Variants in BARX2 observed in about 807,000 individuals in gnomAD.
The protein encoded by BARX2 is homeobox protein BarH-like 2.
Under a neutral mutation model 25.5 loss-of-function variants are expected in BARX2, and 11 were observed. The ratio of observed to expected loss-of-function variants is 0.43; its 90% CI spans 0.27 to 0.71. The LOEUF (loss-of-function observed/expected upper bound fraction) is 0.71. Ranked by LOEUF, BARX2 falls within the 30% of genes least tolerant of loss-of-function variation. The pLI is 0.19. For missense variants in BARX2, 360 were observed against 359.9 expected, an observed-to-expected ratio of 1.00 and a Z score of 0.00; for synonymous variants, 137 against 149.5, an observed-to-expected ratio of 0.92 and a Z score of 0.61.
chr11:129,430,006 C>T (rs1862111583), intron 1 of BARX2, among the ~76,000 whole-genome samples: 3 of 152,262 alleles, frequency 2.0e-5, no homozygotes, highest in African/African-American at 7.2e-5. Flanking sequence ...TCTTCCCCCA[C>T]CATTCCCTGC....
chr11:129,414,223 AT>A (rs146268403), intron 1 of BARX2, among the ~76,000 whole-genome samples: 2,939 of 151,954 alleles, frequency 0.019, 53 homozygotes, highest in South Asian at 0.029. Context: ...GCAAATTGTG[AT>A]TTTTTTCTGA....
intron 1 of BARX2, among the ~76,000 whole-genome samples, chr11:129,401,050 TGTTAGGA>T (rs1485142814): frequency 1.1e-4 from 17 of 152,164 alleles, no homozygotes; most frequent in African/African-American, 3.6e-4. Flanking sequence ...TCTGGGAACT[TGTTAGGA>T]GTGCAAGATC....
chr11:129,406,738 T>C (rs1316927211), intron 1 of BARX2, among the ~76,000 whole-genome samples: 2 of 152,206 alleles, frequency 1.3e-5, no homozygotes, highest in Non-Finnish European at 2.9e-5. Context: ...CAGTTGAGCC[T>C]GCATGTCATG....
chr11:129,427,045 A>G (rs915192309), intron 1 of BARX2, among the ~76,000 whole-genome samples: 5 of 152,192 alleles, frequency 3.3e-5, no homozygotes, highest in African/African-American at 1.2e-4. Context: ...GAAGATACGT[A>G]TGCATGCTTC....
chr11:129,429,934 A>G (rs1434822055), intron 1 of BARX2, among the ~76,000 whole-genome samples: 1 of 152,152 alleles, frequency 6.6e-6, no homozygotes, highest in Admixed American at 6.6e-5. Flanking sequence ...CAAGGTGCAA[A>G]CTCACGGCAG....
intron 1 of BARX2, among the ~76,000 whole-genome samples, chr11:129,424,056 G>A (rs1862038178): frequency 6.6e-6 from 1 of 152,068 alleles, no homozygotes; most frequent in Non-Finnish European, 1.5e-5. Flanking sequence ...CACTATATTG[G>A]TGAGGCTGGC....
chr11:129,435,400 C>A (rs1030729454), intron 1 of BARX2, among the ~76,000 whole-genome samples: 2 of 152,180 alleles, frequency 1.3e-5, no homozygotes, highest in African/African-American at 4.8e-5. Flanking sequence ...GGGGGCCAAA[C>A]AAAGGCATGG....
intron 1 of BARX2, among the ~76,000 whole-genome samples, chr11:129,410,903 C>G (rs1027120544): frequency 1.3e-5 from 2 of 152,196 alleles, no homozygotes; most frequent in Non-Finnish European, 2.9e-5. Context: ...CTATTGAGAT[C>G]ATGTTCTCCT....
At position 129,440,181 on chromosome 11, in the gene BARX2, G is replaced by A. The variant is rs117027118; in HGVS notation, c.489-2654G>A. Among the ~76,000 whole-genome samples, 37 of 152,334 alleles carry A rather than the reference G, an allele frequency of 2.4e-4. No homozygotes were observed. In the East Asian group the frequency reaches 3.5e-3, roughly 14 times the overall value. ...GTTTCCTAGGTGACCCCATTTAAGC[G>A]AATATGCAGGGAAGTGAGAATTTGT... On this transcript the variant is annotated intron_variant, in intron 2 of 3. Transcript: ENST00000281437.
At chr11:129,427,984 C>A (rs1862085544) in intron 1 of BARX2, among the ~76,000 whole-genome samples, 1 of 152,176 alleles carries the variant, frequency 6.6e-6, no homozygotes, top group Non-Finnish European at 1.5e-5. Flanking sequence ...CTCAGGTTTT[C>A]CAGAATCCAA....
chr11:129,403,328 T>A (rs1163364722), intron 1 of BARX2, among the ~76,000 whole-genome samples: 1 of 152,238 alleles, frequency 6.6e-6, no homozygotes, highest in Non-Finnish European at 1.5e-5. Context: ...GAGATGGCCT[T>A]GCACTGGCTC....
intron 1 of BARX2, among the ~76,000 whole-genome samples, chr11:129,386,521 T>C (rs972374097): frequency 3.9e-5 from 6 of 152,222 alleles, no homozygotes; most frequent in African/African-American, 1.4e-4. Flanking sequence ...GTTCAATATA[T>C]GGTATTGGGG....
rs1184864059 is a variant in BARX2 at position 129,390,186 on chromosome 11, C to T, written c.187+13964C>T. On this transcript the variant is annotated intron_variant, in intron 1 of 3. Transcript: ENST00000281437. The surrounding 1 kb of genome is among the most constrained non-coding windows in gnomAD (Gnocchi z 4.3). The stretch of plus-strand genomic sequence containing the variant: ...GGCATCGCCAGTGAACAGGGTGATG[C>T]CTCTGTCCAGCCATTTATAATGATG... Among the ~76,000 whole-genome samples the T allele has an allele frequency of 6.6e-6, 1 of 152,168 alleles. No homozygotes were observed. Among genetic ancestry groups the T allele is most frequent in the East Asian group, 1.9e-4 (1 of 5,202 alleles).
At chr11:129,391,150 T>C (rs1861662036) in intron 1 of BARX2, among the ~76,000 whole-genome samples, 1 of 152,178 alleles carries the variant, frequency 6.6e-6, no homozygotes, top group South Asian at 2.1e-4. Flanking sequence ...TTATGGTGTT[T>C]CCACAGAAAG....
At chr11:129,421,647 A>G (rs189136377) in intron 1 of BARX2, among the ~76,000 whole-genome samples, 7 of 152,272 alleles carry the variant, frequency 4.6e-5, no homozygotes, top group Admixed American at 4.6e-4. Flanking sequence ...AAATCTTCCG[A>G]TCACTGACTA....
At chr11:129,429,290 G>A (rs1481022952) in intron 1 of BARX2, among the ~76,000 whole-genome samples, 1 of 152,094 alleles carries the variant, frequency 6.6e-6, no homozygotes. Flanking sequence ...CCAGCACTTT[G>A]GGAGGCTGAG....
At chr11:129,422,709 T>C (rs1363217956) in intron 1 of BARX2, among the ~76,000 whole-genome samples, 1 of 151,198 alleles carries the variant, frequency 6.6e-6, no homozygotes, top group Non-Finnish European at 1.5e-5. Context: ...TATTCTCTTT[T>C]TTTTTTTTTT....
intron 1 of BARX2, among the ~76,000 whole-genome samples, chr11:129,383,105 C>T (rs564897746): frequency 6.6e-6 from 1 of 152,346 alleles, no homozygotes; most frequent in Non-Finnish European, 1.5e-5. Flanking sequence ...TTCACAAATA[C>T]TCTCCAGGAA....
chr11:129,393,281 G>A (rs970227154), intron 1 of BARX2, among the ~76,000 whole-genome samples: 5 of 152,012 alleles, frequency 3.3e-5, no homozygotes, highest in African/African-American at 1.2e-4. Context: ...AGACAAATCC[G>A]GTCCTGATCA....
Sources: allele counts gnomAD v4.1 joint callset (sites outside exome capture counted in the v4.1 genomes callset), GRCh38; gene constraint gnomAD v4.1.1; non-coding constraint Gnocchi (gnomAD v3.1); transcripts MANE v1.5; gene names NCBI Gene and HGNC (gene_info 2026-07-23, HGNC 2026-07-21).